Variants in ANKRD11 observed in about 807,000 individuals in gnomAD.
The protein encoded by ANKRD11 is ankyrin repeat domain 11.
Under a neutral mutation model 195.7 loss-of-function variants are expected in ANKRD11, and 17 were observed. The ratio of observed to expected loss-of-function variants is 0.09; its 90% CI spans 0.06 to 0.13. The LOEUF (loss-of-function observed/expected upper bound fraction) is 0.13, where lower values mean the gene tolerates loss of function less well. Among genes scored for constraint, ANKRD11 ranks in the 10% least tolerant of loss-of-function variants. The pLI, the probability that ANKRD11 is intolerant of heterozygous loss-of-function variation, is 1.00. For synonymous variants in ANKRD11, 1,953 were observed against 1,528.1 expected (o/e 1.28, Z -6.49); for missense variants, 3,735 against 3,566.1 (o/e 1.05, Z -1.21).
rs57747159 is a variant in ANKRD11, at chr16:89,441,767, CAAAAAAAAAAAAAAA to C, written c.-144-23414_-144-23400del. Among the ~76,000 whole-genome samples the C allele has an allele frequency of 1.5e-4, 8 of 52,356 alleles. No individual in the cohort carries two copies. The East Asian group carries it at 3.8e-3, about 25-fold the overall frequency. The allele number at this position is 52,356 out of a possible 152,430, so 34.3% of individuals were successfully genotyped here. On this transcript the variant is annotated intron_variant, in intron 1 of 12. Coordinates refer to ENST00000301030, the MANE Select transcript of ANKRD11 (RefSeq NM_013275.6). ...GGGCAACAGAGCGAGACTCCGCCTA[CAAAAAAAAAAAAAAA>C]AAAAAAAAAAACGCAAACCTGACTC... is the stretch of plus-strand genomic sequence containing the variant.
intron 2 of ANKRD11, among the ~76,000 whole-genome samples, chr16:89,363,459 A>T (rs1456562205): frequency 6.9e-6 from 1 of 144,704 alleles, no homozygotes; most frequent in African/African-American, 2.6e-5. Context: ...CATGTACCCT[A>T]AAAGTATAAT....
chr16:89,456,721 G>A (rs1003817441), intron 1 of ANKRD11, among the ~76,000 whole-genome samples: 1 of 152,126 alleles, frequency 6.6e-6, no homozygotes, highest in Non-Finnish European at 1.5e-5. Context: ...GACACTAAAG[G>A]CCATATATTA....
At position 89,288,493 on chromosome 16, in the gene ANKRD11, C is replaced by G. The variant is rs755635527; in HGVS notation, c.744+35G>C. 6 of 1,613,964 alleles carry G rather than the reference C, an allele frequency of 3.7e-6. No homozygotes were observed. The highest frequency in any genetic ancestry group is 4.2e-6 in the Non-Finnish European group (5 of 1,179,998). ...CTACAGAACCACCCAGATGCCAGGA[C>G]AGGCCGGATGTGTGAAGAACGGGGG... On this transcript the variant is annotated intron_variant, in intron 7 of 12. Transcript: ENST00000301030.
chr16:89,341,293 A>T (rs894446238), intron 2 of ANKRD11, among the ~76,000 whole-genome samples: 1 of 152,208 alleles, frequency 6.6e-6, no homozygotes, highest in Non-Finnish European at 1.5e-5. Flanking sequence ...CATTAAATAC[A>T]CCACAGGATT....
At chr16:89,371,384 T>C (rs1404673190) in intron 2 of ANKRD11, among the ~76,000 whole-genome samples, 1 of 152,174 alleles carries the variant, frequency 6.6e-6, no homozygotes, top group Non-Finnish European at 1.5e-5. Flanking sequence ...TTTATGTCAT[T>C]TAAATCAAGT....
chr16:89,409,809 C>G (rs952433196), intron 2 of ANKRD11, among the ~76,000 whole-genome samples: 1 of 149,232 alleles, frequency 6.7e-6, no homozygotes, highest in African/African-American at 2.6e-5. Context: ...TCTTTCTGCT[C>G]ACTTCTCAAT....
At chr16:89,317,481 C>T (rs1419279168) in intron 2 of ANKRD11, among the ~76,000 whole-genome samples, 5 of 152,208 alleles carry the variant, frequency 3.3e-5, no homozygotes, top group Admixed American at 6.5e-5. Context: ...CAACACGCAG[C>T]GCAGTACCCC....
chr16:89,427,755 T>A (rs941702372), intron 1 of ANKRD11, among the ~76,000 whole-genome samples: 129 of 151,324 alleles, frequency 8.5e-4, no homozygotes, highest in Middle Eastern at 3.4e-3. Flanking sequence ...GCTGAGATCG[T>A]GCCACTACAT....
chr16:89,318,385 C>T (rs951276210), intron 2 of ANKRD11, among the ~76,000 whole-genome samples: 6 of 152,240 alleles, frequency 3.9e-5, no homozygotes, highest in East Asian at 1.9e-4. Flanking sequence ...CTCGCCGCAC[C>T]GTCAGTTAGA....
Position 89,283,262 on chromosome 16 carries a change from T to A in ANKRD11, c.3280A>T (p.Ile1094Phe). The change falls in exon 9 of 13, where the codon ATC becomes TTC. Residue 1094 changes from isoleucine to phenylalanine, a missense_variant. By Grantham distance (21) the Ile-to-Phe change is conservative. Coordinates refer to ENST00000301030, the MANE Select transcript of ANKRD11 (RefSeq NM_013275.6). The surrounding 1 kb of genome is among the most constrained non-coding windows in gnomAD (Gnocchi z 4.3). ...TTTTCAGAGAAGTCTTCTGAGATGA[T>A]CCCAGGGAAAGCCTTCTCCTTCTTC... ...KEKKEKAFPG[I>F]ISEDFSEKKD... 1 of 1,614,174 alleles carries A rather than the reference T, an allele frequency of 6.2e-7. No individual in the cohort carries two copies. Among genetic ancestry groups the A allele is most frequent in the South Asian group, 1.1e-5 (1 of 91,078 alleles).
chr16:89,361,625 G>C (rs1426143989), intron 2 of ANKRD11: 2 of 152,226 alleles, frequency 1.3e-5, no homozygotes, highest in African/African-American at 4.8e-5. Context: ...ATGCCGCTCT[G>C]AGGGCAGTGG....
At chr16:89,388,738 C>G (rs2041041996) in intron 2 of ANKRD11, among the ~76,000 whole-genome samples, 1 of 152,202 alleles carries the variant, frequency 6.6e-6, no homozygotes, top group Non-Finnish European at 1.5e-5. Flanking sequence ...GTCCCGGGCT[C>G]ACACAGGTCT....
rs149420132 is a variant in ANKRD11 at position 89,281,553 on chromosome 16, G to C, written c.4989C>G (p.Ala1663=). The C allele has an allele frequency of 2.5e-6, 4 of 1,614,154 alleles. No individual in the cohort carries two copies. In the Admixed American group the frequency reaches 6.7e-5, roughly 27 times the overall value. ...ATGCTGGGTGTAGCTTATTTTCCGC[G>C]GCAGGTGGAATAGGAGTCGACTCTT... ...KLKESTPIPP[A]AENKLHPASG... is the part of the protein sequence containing the mutation. The change falls in exon 9 of 13, where the codon GCC becomes GCG. Residue 1663 remains alanine, a synonymous_variant. Transcript: ENST00000301030. The surrounding 1 kb of genome is among the most constrained non-coding windows in gnomAD (Gnocchi z 5.5).
At chr16:89,335,061 G>A (rs533746430) in intron 2 of ANKRD11, among the ~76,000 whole-genome samples, 1 of 152,094 alleles carries the variant, frequency 6.6e-6, no homozygotes, top group East Asian at 1.9e-4. Flanking sequence ...ATGTTATACC[G>A]CAAAGAACAA....
At chr16:89,335,066 GAAC>G (rs1052007458) in intron 2 of ANKRD11, among the ~76,000 whole-genome samples, 6 of 152,110 alleles carry the variant, frequency 3.9e-5, no homozygotes, top group Non-Finnish European at 8.8e-5. Context: ...ATACCGCAAA[GAAC>G]AATAAAAAAC....
intron 4 of ANKRD11, among the ~76,000 whole-genome samples, chr16:89,296,189 G>A (rs556087391): frequency 9.0e-4 from 137 of 151,704 alleles, no homozygotes; most frequent in Middle Eastern, 3.4e-3. Context: ...AAAACTTCAC[G>A]TCAGAGTCAT....
At chr16:89,425,832 A>G (rs564033152) in intron 1 of ANKRD11, among the ~76,000 whole-genome samples, 1 of 152,354 alleles carries the variant, frequency 6.6e-6, no homozygotes, top group South Asian at 2.1e-4. Flanking sequence ...AGGAACTAGA[A>G]GGAAAACCAG....
At chr16:89,310,815 G>T (rs2036568439) in intron 3 of ANKRD11, among the ~76,000 whole-genome samples, 1 of 152,200 alleles carries the variant, frequency 6.6e-6, no homozygotes, top group African/African-American at 2.4e-5. Flanking sequence ...ACTGATTCTT[G>T]TAGCTTTTGT....
At chr16:89,343,523 G>A (rs767011258) in intron 2 of ANKRD11, among the ~76,000 whole-genome samples, 6 of 152,178 alleles carry the variant, frequency 3.9e-5, no homozygotes, top group Non-Finnish European at 8.8e-5. Context: ...ATGAGACAGA[G>A]CTCGAGGTGG....
Sources: gnomAD v4.1 joint callset for allele counts (sites outside exome capture counted in the v4.1 genomes callset) on GRCh38, gnomAD v4.1.1 for gene constraint, Gnocchi (gnomAD v3.1) non-coding constraint, MANE v1.5 for transcripts, NCBI Gene and HGNC (gene_info 2026-07-23, HGNC 2026-07-21) for gene names.